The following CCDC57 variants were observed in gnomAD, a reference collection of about 807,000 sequenced individuals.
The protein encoded by CCDC57 is coiled-coil domain containing 57, also known as coiled-coil domain-containing protein 57.
A neutral mutation model predicts 118.9 loss-of-function variants in CCDC57; 118 were observed. The observed-to-expected ratio is 0.99, with a 90% CI of 0.86 to 1.16. The LOEUF (loss-of-function observed/expected upper bound fraction) is 1.16, where lower values mean the gene tolerates loss of function less well. CCDC57 is among the 50% of genes most tolerant of loss of function. The pLI, the probability that CCDC57 is intolerant of heterozygous loss-of-function variation, is 0.00. For synonymous variants in CCDC57, 527 were observed against 532.9 expected (o/e 0.99, Z 0.15); for missense variants, 1,300 against 1,320.7 (o/e 0.98, Z 0.24).
At chr17:82,178,677 G>A in intron 10 of CCDC57, 72 bp from the exon 10 acceptor site, 1 of 1,563,914 alleles carries the variant, frequency 6.4e-7, no homozygotes, top group Non-Finnish European at 8.6e-7. Context: ...AGGCTCCAAT[G>A]GCACACATAG....
At chr17:82,167,813 G>A (rs7502058) in intron 13 of CCDC57, among the ~76,000 whole-genome samples, 70,862 of 151,684 alleles carry the variant, frequency 0.47, 17,318 homozygotes, top group East Asian at 0.88. Context: ...ACGGGGTTTC[G>A]CCATGTTGGC....
chr17:82,108,244 T>C (rs1035601763), intron 19 of CCDC57, among the ~76,000 whole-genome samples: 1 of 152,072 alleles, frequency 6.6e-6, no homozygotes, highest in Admixed American at 6.5e-5. Flanking sequence ...GTGAGATGAG[T>C]GTCATGGCTT....
At chr17:82,136,187 C>G (rs1449253082) in intron 16 of CCDC57, among the ~76,000 whole-genome samples, 1 of 152,142 alleles carries the variant, frequency 6.6e-6, no homozygotes, top group Non-Finnish European at 1.5e-5. Context: ...CGGAAACCAT[C>G]CAAATGTCCA....
At chr17:82,134,253 T>A (rs80289863) in intron 16 of CCDC57, 59 bp from the exon 16 acceptor site, 1 of 1,264,030 alleles carries the variant, frequency 7.9e-7, no homozygotes, top group Non-Finnish European at 1.0e-6. Flanking sequence ...ATTCCTCTTG[T>A]GTTGAATGCA....
chr17:82,108,608 G>C (rs1231043147), intron 19 of CCDC57, among the ~76,000 whole-genome samples: 3 of 152,114 alleles, frequency 2.0e-5, no homozygotes, highest in Non-Finnish European at 4.4e-5. Context: ...CTGACCACAA[G>C]AGCTAAACGG....
At position 82,127,335 on chromosome 17, in the gene CCDC57, C is replaced by T. The variant is rs1324548593; in HGVS notation, c.2899+357G>A. 8 of 984,794 alleles carry T rather than the reference C, an allele frequency of 8.1e-6. No homozygotes were observed. In the African/African-American group the frequency reaches 1.2e-4, roughly 15 times the overall value. 61.0% of individuals were successfully genotyped at this position (984,794 alleles called of 1,614,324 possible). A position where few individuals can be genotyped will look rare whatever the true frequency, so the allele number is the denominator to read the frequency against. ...GCCGTCTAAAGTGCACCAATGCCCACGCGTCTCACCTGGGCTCCATTCTAA... is the reference window on the plus strand; with the variant it reads ...GCCGTCTAAAGTGCACCAATGCCCATGCGTCTCACCTGGGCTCCATTCTAA... On this transcript the variant is annotated intron_variant, in intron 19 of 19. Coordinates refer to ENST00000665763, the Ensembl canonical transcript of CCDC57.
intron 19 of CCDC57, among the ~76,000 whole-genome samples, chr17:82,117,763 A>AAACAAACAAACC (rs1483726175): frequency 6.6e-6 from 1 of 152,040 alleles, no homozygotes; most frequent in Non-Finnish European, 1.5e-5. Context: ...ACAAACAAAC[A>AAACAAACAAACC]AACCATTTGC....
At chr17:82,149,247 G>GGATC (rs2041507274) in intron 16 of CCDC57, among the ~76,000 whole-genome samples, 1 of 124,992 alleles carries the variant, frequency 8.0e-6, no homozygotes, top group African/African-American at 2.9e-5. Context: ...GTAGATGGAT[G>GGATC]GATGGATGGA....
intron 19 of CCDC57, among the ~76,000 whole-genome samples, chr17:82,115,373 G>T (rs796279174): frequency 7.9e-5 from 12 of 152,110 alleles, no homozygotes; most frequent in African/African-American, 2.7e-4. Flanking sequence ...TGGCTACAAG[G>T]TGTCTTCAAC....
chr17:82,197,202 A>G (rs1367530665), intron 4 of CCDC57, among the ~76,000 whole-genome samples: 9 of 112,824 alleles, frequency 8.0e-5, no homozygotes, highest in East Asian at 3.0e-4. Flanking sequence ...GCAGCCCCTC[A>G]TGACACCTGC....
intron 1 of CCDC57, among the ~76,000 whole-genome samples, chr17:82,211,610 C>T (rs1183716504): frequency 6.7e-6 from 1 of 150,082 alleles, no homozygotes; most frequent in Non-Finnish European, 1.5e-5. Flanking sequence ...TGCAATGGCG[C>T]GATCTTGGCT....
intron 19 of CCDC57, among the ~76,000 whole-genome samples, chr17:82,122,247 A>AC (rs1296048458): frequency 1.3e-5 from 2 of 152,160 alleles, no homozygotes; most frequent in African/African-American, 2.4e-5. Context: ...ATCTGCCAGA[A>AC]CCGTTTCCCA....
At chr17:82,190,122 C>T (rs1422756285) in intron 7 of CCDC57, among the ~76,000 whole-genome samples, 1 of 84,560 alleles carries the variant, frequency 1.2e-5, no homozygotes, top group South Asian at 3.9e-4. Flanking sequence ...TCTTCATATC[C>T]CAGCATAGAG....
At chr17:82,209,510 TCTCA>T in intron 1 of CCDC57, among the ~76,000 whole-genome samples, 1 of 152,288 alleles carries the variant, frequency 6.6e-6, no homozygotes, top group South Asian at 2.1e-4. Flanking sequence ...TGAGATGGGA[TCTCA>T]CTCTGTCACC....
At position 82,128,469 on chromosome 17, in the gene CCDC57, T is replaced by C. The variant is rs570146321; in HGVS notation, c.2682+24A>G. 4 of 1,518,910 alleles carry C rather than the reference T, an allele frequency of 2.6e-6. No individual in the cohort carries two copies. The East Asian group carries it at 9.8e-5, about 37-fold the overall frequency. The allele number at this position is 1,518,910 out of a possible 1,614,324, so 94.1% of individuals were successfully genotyped here. On this transcript the variant is annotated intron_variant, in intron 18 of 19. Transcript: ENST00000665763. ...CTGGCCACACCCCACACAGCTGCAC[T>C]TGCTCGGGCGCCGCCACTCTCACCT...
exon 8 of CCDC57, chr17:82,188,397 C>G (rs766460128): frequency 1.2e-6 from 2 of 1,611,592 alleles, no homozygotes. Context: ...TTCTCCCTGG[C>G]CAGACGGTCG....
chr17:82,199,415 T>C (rs1599423122), intron 3 of CCDC57, among the ~76,000 whole-genome samples: 1 of 140,212 alleles, frequency 7.1e-6, no homozygotes, highest in African/African-American at 2.6e-5. Context: ...GAGGCAGAGG[T>C]TGCAGTGATC....
chr17:82,166,329 G>T (rs1228438037), intron 13 of CCDC57, among the ~76,000 whole-genome samples: 1 of 143,320 alleles, frequency 7.0e-6, no homozygotes, highest in African/African-American at 2.6e-5. Flanking sequence ...GGGCAACATA[G>T]TGAAACCCCA....
chr17:82,103,911 A>G (rs2034654587), intron 19 of CCDC57, among the ~76,000 whole-genome samples: 1 of 152,094 alleles, frequency 6.6e-6, no homozygotes, highest in Non-Finnish European at 1.5e-5. Flanking sequence ...TATCCACTTT[A>G]CAGGCTCTGG....
Sources: gnomAD v4.1 joint callset for allele counts (sites outside exome capture counted in the v4.1 genomes callset) on GRCh38, gnomAD v4.1.1 for gene constraint, MANE v1.5 for transcripts, NCBI Gene and HGNC (gene_info 2026-07-23, HGNC 2026-07-21) for gene names.